RSPO2: variants seen among roughly 807,000 people sequenced by gnomAD.
RSPO2 encodes the protein R-spondin-2.
RSPO2 carries 14 observed loss-of-function variants against 30.9 expected under a neutral mutation model. The observed-to-expected ratio is 0.45, with a 90% confidence interval of 0.30 to 0.71. The LOEUF (loss-of-function observed/expected upper bound fraction) is 0.71, where lower values mean the gene tolerates loss of function less well. RSPO2 is among the 30% of genes least tolerant of loss of function. The pLI is 0.08. For synonymous variants in RSPO2, 107 were observed against 96.4 expected (o/e 1.11, Z -0.64); for missense variants, 264 against 301.9 (o/e 0.87, Z 0.93).
At chr8:108,039,872 T>G (rs546079200) in intron 2 of RSPO2, among the ~76,000 whole-genome samples, 1 of 152,288 alleles carries the variant, frequency 6.6e-6, no homozygotes, top group East Asian at 1.9e-4. Flanking sequence ...TGAATGGGAT[T>G]AGTGCCCTTA....
chr8:108,070,044 A>G (rs1023697222), intron 2 of RSPO2, among the ~76,000 whole-genome samples: 2 of 152,226 alleles, frequency 1.3e-5, no homozygotes, highest in African/African-American at 2.4e-5. Flanking sequence ...ACAAATTAGC[A>G]TCATGGTCAT....
chr8:107,908,531 T>C (rs1204104867), intron 5 of RSPO2, among the ~76,000 whole-genome samples: 1 of 152,194 alleles, frequency 6.6e-6, no homozygotes, highest in East Asian at 1.9e-4. Flanking sequence ...AAGGGGGCAA[T>C]AATTCACTTT....
intron 5 of RSPO2, among the ~76,000 whole-genome samples, chr8:107,943,673 A>AG (rs1209894776): frequency 3.3e-5 from 5 of 152,240 alleles, no homozygotes; most frequent in Non-Finnish European, 5.9e-5. Flanking sequence ...CTTAATTCAA[A>AG]GCATATTTGA....
chr8:107,967,888 G>A (rs1813862236), intron 3 of RSPO2, among the ~76,000 whole-genome samples: 1 of 152,158 alleles, frequency 6.6e-6, no homozygotes, highest in African/African-American at 2.4e-5. Context: ...GGTCAAGTCA[G>A]TGAAGCTCTC....
chr8:108,072,319 C>CTTTTTTTTT (rs34402426), intron 2 of RSPO2, among the ~76,000 whole-genome samples: 2 of 84,274 alleles, frequency 2.4e-5, no homozygotes, highest in African/African-American at 9.6e-5. Flanking sequence ...TGGCAGAGAA[C>CTTTTTTTTT]TTTTTTTTTT....
chr8:107,951,806 A>C (rs1428157470), intron 5 of RSPO2, among the ~76,000 whole-genome samples: 1 of 152,058 alleles, frequency 6.6e-6, no homozygotes, highest in Non-Finnish European at 1.5e-5. Context: ...AAGTTGTCTC[A>C]TGTCCACCCC....
chr8:107,944,943 A>C (rs76087386), intron 5 of RSPO2, among the ~76,000 whole-genome samples: 14,420 of 152,100 alleles, frequency 0.095, 908 homozygotes, highest in East Asian at 0.22. Context: ...AAACCCTGAG[A>C]AAATCTAGTT....
At chr8:107,962,213 G>GT (rs1385162350) in intron 3 of RSPO2, among the ~76,000 whole-genome samples, 1 of 151,180 alleles carries the variant, frequency 6.6e-6, no homozygotes, top group Non-Finnish European at 1.5e-5. Context: ...CGATAAAGGG[G>GT]TAAAAAAAAA....
chr8:107,935,337 A>AT (rs1046482867), intron 5 of RSPO2, among the ~76,000 whole-genome samples: 20 of 152,132 alleles, frequency 1.3e-4, no homozygotes, highest in African/African-American at 4.6e-4. Context: ...GCATTATGAG[A>AT]TAAGAATAAA....
At chr8:107,958,023 G>A in intron 5 of RSPO2, 57 bp downstream of exon 5, 1 of 1,152,554 alleles carries the variant, frequency 8.7e-7, no homozygotes, top group Non-Finnish European at 1.2e-6. Context: ...AGGTGGTTAG[G>A]AAGCGGGAGA....
chr8:107,973,674 T>C (rs998917618), intron 3 of RSPO2, among the ~76,000 whole-genome samples: 5 of 152,168 alleles, frequency 3.3e-5, no homozygotes, highest in Non-Finnish European at 5.9e-5. Flanking sequence ...GTGAAACAAA[T>C]GCATACTTGA....
chr8:107,983,950 G>C lies in RSPO2; in HGVS notation c.283+5106C>G, dbSNP rs1181113642. 3 of 1,002,854 alleles carry C rather than the reference G, an allele frequency of 3.0e-6. No homozygotes were observed. The Admixed American group carries it at 6.6e-5, about 22-fold the overall frequency. The allele number at this position is 1,002,854 out of a possible 1,614,324, so 62.1% of individuals were successfully genotyped here. ...TTATGGAGCTCTCTGAGGATATTCT[G>C]AAAGGATTTATGAATAATTGAAATA... On this transcript the variant is annotated intron_variant, in intron 3 of 5. Coordinates refer to ENST00000276659, the MANE Select transcript of RSPO2 (RefSeq NM_178565.5).
At position 107,987,567 on chromosome 8, in the gene RSPO2, A is replaced by T. The variant is rs1180833400; in HGVS notation, c.283+1489T>A. ...ATGTTTGCTTATAACAGTAGTGAAG[A>T]CACAAAGGACATTTAATGGGCAGGG... On this transcript the variant is annotated intron_variant, in intron 3 of 5. Transcript: ENST00000276659. Among the ~76,000 whole-genome samples, 7 of 152,324 alleles carry T rather than the reference A, an allele frequency of 4.6e-5. No homozygotes were observed. In the East Asian group the frequency reaches 1.4e-3, roughly 29 times the overall value.
rs5893893 is a variant in RSPO2 at position 107,963,231 on chromosome 8, TA to T, written c.284-2415del. On this transcript the variant is annotated intron_variant, in intron 3 of 5. Coordinates refer to ENST00000276659, the MANE Select transcript of RSPO2 (RefSeq NM_178565.5). Reference sequence around the variant, plus strand: ...TGACCTGAAAAACCCATTGTTAAGTTAAAAAAAAAAAAAGACAAGTTGGCTG... The same window carrying T: ...TGACCTGAAAAACCCATTGTTAAGTTAAAAAAAAAAAAGACAAGTTGGCTG... Among the ~76,000 whole-genome samples the T allele has an allele frequency of 6.2e-3, 895 of 144,582 alleles. 20 individuals carry two copies. In the South Asian group the frequency reaches 0.084, roughly 14 times the overall value. The allele number at this position is 144,582 out of a possible 152,430, so 94.9% of individuals were successfully genotyped here. A position where few individuals can be genotyped will look rare whatever the true frequency, so the allele number is the denominator to read the frequency against.
intron 2 of RSPO2, among the ~76,000 whole-genome samples, chr8:107,995,918 G>C (rs1815004207): frequency 6.6e-6 from 1 of 151,884 alleles, no homozygotes; most frequent in Admixed American, 6.6e-5. Flanking sequence ...CCTTAATATT[G>C]CCAGATAATT....
intron 5 of RSPO2, 53 bp downstream of exon 5, chr8:107,958,027 C>A: frequency 2.5e-6 from 3 of 1,182,506 alleles, no homozygotes; most frequent in South Asian, 1.8e-5. Flanking sequence ...GGTTAGGAAG[C>A]GGGAGAATTC....
In RSPO2 at chr8:107,900,192, C is replaced by A. The variant is rs1332684946; in HGVS notation, c.*883G>T. 1 of 152,154 alleles carries A rather than the reference C, an allele frequency of 6.6e-6. No homozygotes were observed. The highest frequency in any genetic ancestry group is 2.1e-4 in the South Asian group (1 of 4,828). The allele number at this position is 152,154 out of a possible 1,614,324, so 9.4% of individuals were successfully genotyped here. ...AGTTTGGGCTTCTGATTGCCAGATG[C>A]CGCCTGCTGCTTTATCTATATGTGT... On this transcript the variant is annotated 3_prime_UTR_variant, in exon 6 of 6. Transcript: ENST00000276659.
chr8:108,063,421 C>A (rs1812544058), intron 2 of RSPO2, among the ~76,000 whole-genome samples: 1 of 151,794 alleles, frequency 6.6e-6, no homozygotes, highest in East Asian at 1.9e-4. Flanking sequence ...TGAGTGAACT[C>A]CCATTCACAA....
At chr8:108,044,880 GAA>G (rs1811867057) in intron 2 of RSPO2, among the ~76,000 whole-genome samples, 1 of 152,096 alleles carries the variant, frequency 6.6e-6, no homozygotes, top group Non-Finnish European at 1.5e-5. Context: ...GCTATATGCA[GAA>G]GGATGAAACT....
Sources: allele counts gnomAD v4.1 joint callset (sites outside exome capture counted in the v4.1 genomes callset), GRCh38; gene constraint gnomAD v4.1.1; transcripts MANE v1.5; gene names NCBI Gene and HGNC (gene_info 2026-07-23, HGNC 2026-07-21).